The following TUSC3 variants were observed in gnomAD, a reference collection of about 807,000 sequenced individuals.
TUSC3 encodes tumor suppressor candidate 3, also known as dolichyl-diphosphooligosaccharide--protein glycosyltransferase subunit TUSC3.
A neutral mutation model predicts 44.8 loss-of-function variants in TUSC3; 45 were observed. The ratio of observed to expected loss-of-function variants is 1.00; its 90% CI spans 0.79 to 1.29. The LOEUF is 1.29. Among genes scored for constraint, TUSC3 ranks in the 50% most tolerant of loss-of-function variants. TUSC3 has a pLI of 0.00. For missense variants in TUSC3, 519 were observed against 437.9 expected, an observed-to-expected ratio of 1.19 and a Z score of -1.65; for synonymous variants, 212 against 152.9, an observed-to-expected ratio of 1.39 and a Z score of -2.85.
the TUSC3 span, among the ~76,000 whole-genome samples, chr8:15,845,981 T>C: frequency 1.3e-5 from 2 of 152,084 alleles, no homozygotes; most frequent in African/African-American, 4.8e-5. Flanking sequence ...TCTTACATCA[T>C]GGCAGCAAGA....
the TUSC3 span, among the ~76,000 whole-genome samples, chr8:15,776,105 C>T: frequency 5.3e-5 from 8 of 152,088 alleles, no homozygotes; most frequent in African/African-American, 7.2e-5. Context: ...CTTATCATGA[C>T]GGAGAGGGTA....
the TUSC3 span, among the ~76,000 whole-genome samples, chr8:15,784,178 T>A: frequency 1.3e-5 from 2 of 152,128 alleles, no homozygotes; most frequent in Non-Finnish European, 2.9e-5. Context: ...GCCTATGATT[T>A]TTAAACAATG....
At chr8:15,498,747 T>C (rs1800915472) in intron 2 of TUSC3, among the ~76,000 whole-genome samples, 1 of 152,192 alleles carries the variant, frequency 6.6e-6, no homozygotes, top group South Asian at 2.1e-4. Flanking sequence ...TTCCTTTCCT[T>C]GAAATAAGGG....
chr8:15,668,858 C>T (rs1463871093), intron 5 of TUSC3, among the ~76,000 whole-genome samples: 2 of 151,642 alleles, frequency 1.3e-5, no homozygotes, highest in African/African-American at 4.8e-5. Flanking sequence ...GTCTGGTTCT[C>T]TGGAGAAACA....
chr8:15,739,439 G>C (rs1811092853), intron 7 of TUSC3, among the ~76,000 whole-genome samples: 1 of 151,814 alleles, frequency 6.6e-6, no homozygotes. Context: ...GTTGACTTGG[G>C]GTTTCTGTTC....
intron 9 of TUSC3, among the ~76,000 whole-genome samples, chr8:15,750,238 C>T (rs935761160): frequency 6.6e-6 from 1 of 152,038 alleles, no homozygotes; most frequent in Non-Finnish European, 1.5e-5. Flanking sequence ...CTCGGCCTCC[C>T]AAAGTGCTGG....
At chr8:15,729,865 A>C (rs182990436) in intron 6 of TUSC3, among the ~76,000 whole-genome samples, 1 of 152,224 alleles carries the variant, frequency 6.6e-6, no homozygotes, top group Admixed American at 6.6e-5. Context: ...AAGTTTGAAG[A>C]CGAGAAAAAA....
chr8:15,801,429 T>C, the TUSC3 span, among the ~76,000 whole-genome samples: 4 of 152,206 alleles, frequency 2.6e-5, no homozygotes, highest in African/African-American at 4.8e-5. Context: ...GTGTGATGAA[T>C]GAGTTTCACA....
chr8:15,851,054 C>G, the TUSC3 span, among the ~76,000 whole-genome samples: 1 of 152,158 alleles, frequency 6.6e-6, no homozygotes, highest in Non-Finnish European at 1.5e-5. Flanking sequence ...ACAGGTGTAA[C>G]GTGTCTAAGT....
chr8:15,816,902 A>C, the TUSC3 span, among the ~76,000 whole-genome samples: 1 of 152,226 alleles, frequency 6.6e-6, no homozygotes, highest in African/African-American at 2.4e-5. Flanking sequence ...AATGTTTCTC[A>C]TGAAAGAGAA....
chr8:15,791,371 C>G, the TUSC3 span, among the ~76,000 whole-genome samples: 1 of 152,192 alleles, frequency 6.6e-6, no homozygotes, highest in Middle Eastern at 3.4e-3. Context: ...AGTAGTAATC[C>G]TATCATGCAC....
chr8:15,661,601 T>C (rs928808260), intron 4 of TUSC3, among the ~76,000 whole-genome samples: 1 of 152,032 alleles, frequency 6.6e-6, no homozygotes, highest in African/African-American at 2.4e-5. Flanking sequence ...TCAAGATGTT[T>C]CCCATTTTTT....
At chr8:15,678,663 A>G (rs902387618) in intron 6 of TUSC3, among the ~76,000 whole-genome samples, 1 of 152,154 alleles carries the variant, frequency 6.6e-6, no homozygotes, top group Admixed American at 6.5e-5. Context: ...TAAAAATTTT[A>G]AATTGATGGA....
chr8:15,703,734 A>G (rs1809499339), intron 6 of TUSC3, among the ~76,000 whole-genome samples: 1 of 152,080 alleles, frequency 6.6e-6, no homozygotes, highest in African/African-American at 2.4e-5. Flanking sequence ...GGAAACTAAT[A>G]GCGGGAGAAC....
At chr8:15,586,194 ATTT>A (rs1207889639) in intron 1 of TUSC3, among the ~76,000 whole-genome samples, 3 of 152,200 alleles carry the variant, frequency 2.0e-5, no homozygotes. Flanking sequence ...GCCAGAAACA[ATTT>A]AAGTCAGTAG....
In TUSC3 at chr8:15,540,281, C is replaced by G; in HGVS notation, c.-150C>G. 8.7e-7 allele frequency: 1 copy of G among 1,155,682 alleles called. No homozygotes were observed. Among genetic ancestry groups the G allele is most frequent in the Non-Finnish European group, 1.1e-6 (1 of 883,626 alleles). 71.6% of individuals were successfully genotyped at this position (1,155,682 alleles called of 1,614,324 possible). A position where few individuals can be genotyped will look rare whatever the true frequency, so the allele number is the denominator to read the frequency against. ...CTCTGTCAGTCTCCTCCTCTGCGTC[C>G]TCGGCCGCGGCCCGGGTCCCTCGCA... is the stretch of plus-strand genomic sequence containing the variant. On this transcript the variant is annotated 5_prime_UTR_variant, in exon 1 of 11. Coordinates refer to ENST00000503731, the MANE Select transcript of TUSC3 (RefSeq NM_006765.4).
At position 15,568,039 on chromosome 8, in the gene TUSC3, T is replaced by C. The variant is rs557873936; in HGVS notation, c.138+27471T>C. On this transcript the variant is annotated intron_variant, in intron 1 of 10. Transcript: ENST00000503731. ...TTGGTAGCATATTATCAGGCAAGGCTACACATATTACTCATTCCTCTTGTC... is the reference window on the plus strand; with the variant it reads ...TTGGTAGCATATTATCAGGCAAGGCCACACATATTACTCATTCCTCTTGTC... Among the ~76,000 whole-genome samples the C allele has an allele frequency of 5.9e-5, 9 of 152,258 alleles. No homozygotes were observed. In the East Asian group the frequency reaches 1.7e-3, roughly 29 times the overall value.
chr8:15,603,503 G>T (rs574911188), intron 1 of TUSC3, among the ~76,000 whole-genome samples: 7 of 151,710 alleles, frequency 4.6e-5, no homozygotes, highest in African/African-American at 1.7e-4. Context: ...TCTGGTGAAT[G>T]AAGCCTGTGT....
chr8:15,428,457 T>C (rs1563248495), intron 1 of TUSC3, among the ~76,000 whole-genome samples: 1 of 152,014 alleles, frequency 6.6e-6, no homozygotes, highest in African/African-American at 2.4e-5. Context: ...TATAGCAGCA[T>C]GATTTATAGT....
Sources: allele counts gnomAD v4.1 joint callset (sites outside exome capture counted in the v4.1 genomes callset), GRCh38; gene constraint gnomAD v4.1.1; transcripts MANE v1.5; gene names NCBI Gene and HGNC (gene_info 2026-07-23, HGNC 2026-07-21).